Variants in EFCAB9 observed in about 807,000 individuals in gnomAD.
EFCAB9 encodes the protein EF-hand calcium binding domain 9.
Under a neutral mutation model 15.6 loss-of-function variants are expected in EFCAB9, and 16 were observed. That is an observed-to-expected ratio of 1.03 (90% CI 0.69 to 1.56). The LOEUF (loss-of-function observed/expected upper bound fraction) is 1.56. Ranked by LOEUF, EFCAB9 falls within the 40% of genes most tolerant of loss-of-function variation. The pLI is 0.00. For missense variants in EFCAB9, 208 were observed against 235.4 expected, an observed-to-expected ratio of 0.88 and a Z score of 0.76; for synonymous variants, 76 against 85.4, an observed-to-expected ratio of 0.89 and a Z score of 0.61.
rs756481946 is a variant in EFCAB9, at chr5:172,203,197, CCCCA to C, written c.463-13_463-10del. 97 of 1,429,320 alleles carry C rather than the reference CCCCA, an allele frequency of 6.8e-5. No individual in the cohort carries two copies. Among genetic ancestry groups the C allele is most frequent in the African/African-American group, 2.3e-4 (12 of 51,080 alleles). 88.5% of individuals were successfully genotyped at this position (1,429,320 alleles called of 1,614,324 possible). A position where few individuals can be genotyped will look rare whatever the true frequency, so the allele number is the denominator to read the frequency against. On this transcript the variant is annotated splice_polypyrimidine_tract_variant and intron_variant, in intron 3 of 3. Transcript: ENST00000398186. Reference sequence around the variant, plus strand: ...TTTCCTGAAATAATTTTTCTTTCCCCCCCACCCTAACCAAAGCGTCTTAATTATC... The same window carrying C: ...TTTCCTGAAATAATTTTTCTTTCCCCCCCTAACCAAAGCGTCTTAATTATC...
rs140080604 is a variant in EFCAB9, at chr5:172,194,289, C to G, written c.117C>G (p.His39Gln). Residue 39 changes from histidine (H) to glutamine (Q), a missense_variant, in exon 1 of 4, where the codon CAC becomes CAG. Physicochemically the swap from His to Gln is conservative, Grantham distance 24 (BLOSUM62 0). Coordinates refer to ENST00000398186, the MANE Select transcript of EFCAB9 (RefSeq NM_001171183.2). ...LAEYFHILDVHGKNTLNDVLF... is the reference protein window; with the variant it reads ...LAEYFHILDVQGKNTLNDVLF... ...AATATTTTCATATTCTGGACGTGCA[C>G]GGCAAGAACACCTTGAATGGTCAGT... The G allele has an allele frequency of 4.1e-5, 63 of 1,537,858 alleles. No individual in the cohort carries two copies. In the East Asian group the frequency reaches 1.5e-3, roughly 37 times the overall value.
rs980061694 is a variant in EFCAB9, at chr5:172,199,469, G to C, written c.223G>C (p.Ala75Pro). ...NIVFDMLDWNAVGEIDFEKFY... is the reference protein window; with the variant it reads ...NIVFDMLDWNPVGEIDFEKFY... ...TGTGTTTGACATGCTGGACTGGAAC[G>C]CTGTGGGCGAGATCGACTTTGAGAA... The change falls in exon 2 of 4, where the codon GCT becomes CCT. Residue 75 changes from alanine (A) to proline (P), a missense_variant. Physicochemically the swap from Ala to Pro is conservative, Grantham distance 27 (BLOSUM62 -1). Transcript: ENST00000398186. The C allele has an allele frequency of 6.5e-6, 10 of 1,537,210 alleles. No homozygotes were observed. The highest frequency in any genetic ancestry group is 1.4e-5 in the African/African-American group (1 of 73,046).
At chr5:172,194,366 A>C in intron 1 of EFCAB9, 58 bp downstream of exon 1, 1 of 1,502,958 alleles carries the variant, frequency 6.7e-7, no homozygotes, top group Admixed American at 2.3e-5. Context: ...GCTAATGTGT[A>C]AGAAAACTTG....
intron 3 of EFCAB9, among the ~76,000 whole-genome samples, chr5:172,201,236 G>C (rs570232892): frequency 1.3e-5 from 2 of 152,068 alleles, no homozygotes; most frequent in Non-Finnish European, 2.9e-5. Flanking sequence ...TCAGCCAGGC[G>C]CAGTGGCACA....
intron 3 of EFCAB9, among the ~76,000 whole-genome samples, chr5:172,202,030 G>T (rs566407178): frequency 6.6e-6 from 1 of 152,264 alleles, no homozygotes; most frequent in Non-Finnish European, 1.5e-5. Flanking sequence ...AGTAATTGCG[G>T]TTTTTGCCAT....
At chr5:172,199,766 G>A (rs1396714734) in intron 2 of EFCAB9, among the ~76,000 whole-genome samples, 2 of 151,964 alleles carry the variant, frequency 1.3e-5, no homozygotes, top group East Asian at 1.9e-4. Context: ...GTGGCCCATC[G>A]CATCCCTTCT....
chr5:172,200,074 A>G (rs938239813), intron 2 of EFCAB9, among the ~76,000 whole-genome samples: 2 of 150,004 alleles, frequency 1.3e-5, no homozygotes, highest in African/African-American at 4.9e-5. Flanking sequence ...GCACACCCCC[A>G]CACCTGGCTA....
intron 2 of EFCAB9, among the ~76,000 whole-genome samples, chr5:172,200,348 A>T (rs1258092650): frequency 6.6e-6 from 1 of 152,194 alleles, no homozygotes; most frequent in Non-Finnish European, 1.5e-5. Context: ...AGAATTGATT[A>T]TTACAAGAGG....
At chr5:172,198,279 C>A (rs1771196094) in intron 1 of EFCAB9, among the ~76,000 whole-genome samples, 1 of 152,082 alleles carries the variant, frequency 6.6e-6, no homozygotes, top group African/African-American at 2.4e-5. Context: ...GAGGCAGAGG[C>A]AGGTGGATTG....
intron 2 of EFCAB9, among the ~76,000 whole-genome samples, 175 bp from the exon 3 acceptor site, chr5:172,200,391 G>C (rs1270254173): frequency 6.6e-6 from 1 of 152,198 alleles, no homozygotes; most frequent in African/African-American, 2.4e-5. Context: ...TGCAGATGCT[G>C]AAGTGGGACT....
In EFCAB9 at chr5:172,199,399, C is replaced by T. The variant is rs141030668; in HGVS notation, c.153C>T (p.His51=). 1.4e-4 allele frequency: 222 copies of T among 1,537,278 alleles called. 2 individuals carry two copies. The East Asian group carries it at 5.1e-3, about 35-fold the overall frequency. Residue 51 remains histidine (H), a synonymous_variant, in exon 2 of 4, where the codon CAC becomes CAT. Coordinates refer to ENST00000398186, the MANE Select transcript of EFCAB9 (RefSeq NM_001171183.2). ...KNTLNDVLFY[H]FLHHVTDLKK... ...CCTTAACAGATGTGCTGTTCTATCACTTCCTTCATCATGTGACTGACTTGA... is the reference window on the plus strand; with the variant it reads ...CCTTAACAGATGTGCTGTTCTATCATTTCCTTCATCATGTGACTGACTTGA...
intron 2 of EFCAB9, among the ~76,000 whole-genome samples, chr5:172,200,344 G>A (rs1162105386): frequency 6.6e-6 from 1 of 152,178 alleles, no homozygotes; most frequent in Non-Finnish European, 1.5e-5. Context: ...TAGCAGAATT[G>A]ATTATTACAA....
intron 1 of EFCAB9, among the ~76,000 whole-genome samples, 180 bp downstream of exon 1, chr5:172,194,488 C>T (rs911134470): frequency 1.3e-5 from 2 of 152,120 alleles, no homozygotes; most frequent in Non-Finnish European, 2.9e-5. Flanking sequence ...CAATCTCCGC[C>T]TCCAGGGTTC....
intron 3 of EFCAB9, 124 bp from the exon 4 acceptor site, chr5:172,203,090 C>A: frequency 6.4e-6 from 6 of 940,014 alleles, no homozygotes; most frequent in Non-Finnish European, 9.1e-6. Flanking sequence ...AATTATGTCC[C>A]AATTACTGAG....
At position 172,200,684 on chromosome 5, in the gene EFCAB9, A is replaced by G. The variant is rs1371361365; in HGVS notation, c.404A>G (p.Asn135Ser). The G allele has an allele frequency of 5.2e-6, 8 of 1,537,444 alleles. No individual in the cohort carries two copies. In the Admixed American group the frequency reaches 5.9e-5, roughly 11 times the overall value. Residue 135 changes from asparagine to serine, a missense_variant, in exon 3 of 4, where the codon AAT (asparagine) becomes AGT (serine). Coordinates refer to ENST00000398186, the MANE Select transcript of EFCAB9 (RefSeq NM_001171183.2). ...KNFEMYRFLF[N>S]IQKQELKDLF... is the part of the protein sequence containing the mutation. ...TTCGAAATGTACAGATTTCTCTTCA[A>G]TATTCAAAAACAGGAACTCAAAGAT...
At chr5:172,202,671 G>A (rs1440136924) in intron 3 of EFCAB9, among the ~76,000 whole-genome samples, 1 of 151,714 alleles carries the variant, frequency 6.6e-6, no homozygotes, top group African/African-American at 2.4e-5. Context: ...TCACGCCACT[G>A]CCCTCCAGCC....
chr5:172,195,651 C>T (rs1033963721), intron 1 of EFCAB9, among the ~76,000 whole-genome samples: 49 of 152,292 alleles, frequency 3.2e-4, no homozygotes, highest in African/African-American at 1.1e-3. Context: ...CAGGAGGTAA[C>T]GCCATGCTCA....
At chr5:172,196,805 GT>G (rs1771172332) in intron 1 of EFCAB9, among the ~76,000 whole-genome samples, 1 of 152,132 alleles carries the variant, frequency 6.6e-6, no homozygotes, top group Non-Finnish European at 1.5e-5. Context: ...ACACACCACT[GT>G]GTAAGTGTAT....
chr5:172,198,904 G>A (rs1385533445), intron 1 of EFCAB9, among the ~76,000 whole-genome samples: 3 of 152,186 alleles, frequency 2.0e-5, no homozygotes, highest in African/African-American at 7.2e-5. Flanking sequence ...ATGAGCTACT[G>A]TGCCTGGCCG....
Sources: allele counts gnomAD v4.1 joint callset (sites outside exome capture counted in the v4.1 genomes callset), GRCh38; gene constraint gnomAD v4.1.1; transcripts MANE v1.5; gene names NCBI Gene and HGNC (gene_info 2026-07-23, HGNC 2026-07-21).